Variants in DNHD1 observed in about 807,000 individuals in gnomAD.
DNHD1 encodes dynein heavy chain domain-containing protein 1.
Under a neutral mutation model 458.1 loss-of-function variants are expected in DNHD1, and 383 were observed. The observed-to-expected ratio is 0.84, with a 90% CI of 0.77 to 0.91. The LOEUF (loss-of-function observed/expected upper bound fraction) is 0.91, where lower values mean the gene tolerates loss of function less well. DNHD1 is among the 40% of genes least tolerant of loss of function. The pLI is 0.00. For synonymous variants in DNHD1, 2,203 were observed against 2,376.9 expected (o/e 0.93, Z 2.13); for missense variants, 5,336 against 5,866.1 (o/e 0.91, Z 2.95).
chr11:6,520,029 A>T lies in DNHD1; in HGVS notation c.1712A>T (p.His571Leu), dbSNP rs776078547. 2 of 1,614,084 alleles carry T rather than the reference A, an allele frequency of 1.2e-6. No individual in the cohort carries two copies. The highest frequency in any genetic ancestry group is 1.7e-6 in the Non-Finnish European group (2 of 1,180,000). The change falls in exon 9 of 43, where the codon CAT (histidine) becomes CTT (leucine). Residue 571 changes from histidine (H) to leucine (L), a missense_variant. Around this residue, in one of 4 missense-constraint regions of DNHD1, gnomAD observed 3,932 missense variants for 4,365.6 expected, o/e 0.90. Transcript: ENST00000254579. Reference protein sequence around the residue: ...LVFDDHGQLSHVPCVENMIQT... With the variant: ...LVFDDHGQLSLVPCVENMIQT... ...TTTGATGATCATGGTCAACTGTCTC[A>T]TGTGCCCTGTGTTGAAAATATGATC... is the stretch of plus-strand genomic sequence containing the variant.
chr11:6,566,207 T>A (rs768188732), intron 33 of DNHD1, 34 bp from the exon 34 acceptor site: 98 of 1,547,076 alleles, frequency 6.3e-5, no homozygotes, highest in Middle Eastern at 3.4e-4. Flanking sequence ...GGTGCTGGCA[T>A]TGTGGGTAGG....
rs370594180 is a variant in DNHD1, at chr11:6,514,470, CTCCTT to C, written c.1392+3064_1392+3068del. ...TTCCCTCCCTCTCTCTCTCCTCTCC[CTCCTT>C]TCCTTTCCTTTCCTTTCCTTTCTCC... On this transcript the variant is annotated intron_variant, in intron 7 of 42. Coordinates refer to ENST00000254579, the MANE Select transcript of DNHD1 (RefSeq NM_144666.3). Among the ~76,000 whole-genome samples the C allele has an allele frequency of 7.3e-3, 1,096 of 150,326 alleles. 10 individuals carry two copies. The highest frequency in any genetic ancestry group is 0.014 in the Middle Eastern group (4 of 294).
At chr11:6,540,815 A>T (rs751054584) in intron 18 of DNHD1, among the ~76,000 whole-genome samples, 1 of 152,250 alleles carries the variant, frequency 6.6e-6, no homozygotes, top group African/African-American at 2.4e-5. Context: ...GAATTTTCTT[A>T]TTCAACGCAA....
Position 6,548,318 on chromosome 11 carries a change from AGATG to A in DNHD1, c.7017_7020del (p.Asp2339GlufsTer11). On this transcript the variant is annotated frameshift_variant, in exon 23 of 43. Coordinates refer to ENST00000254579, the MANE Select transcript of DNHD1 (RefSeq NM_144666.3). LOFTEE classifies it high-confidence loss of function. This position sits in a 1 kb window ranked among gnomAD's most constrained non-coding sequence, Gnocchi z 4.4. ...TGTTTGATCTACATGTAAGCCCTGAAGATGGAACACTGGTCCCCTTCACTGGCCA... is the reference window on the plus strand; with the variant it reads ...TGTTTGATCTACATGTAAGCCCTGAAGAACACTGGTCCCCTTCACTGGCCA... 6.4e-7 allele frequency: 1 copy of A among 1,551,706 alleles called. No homozygotes were observed. The highest frequency in any genetic ancestry group is 8.7e-7 in the Non-Finnish European group (1 of 1,146,998).
In DNHD1 at chr11:6,529,087, G is replaced by T. The variant is rs903287218; in HGVS notation, c.2313G>T (p.Leu771=). The T allele has an allele frequency of 6.5e-7, 1 of 1,550,230 alleles. No homozygotes were observed. The highest frequency in any genetic ancestry group is 1.4e-5 in the African/African-American group (1 of 73,004). ...PIELLTKGGL[L]LLSCHDVQAE... is the part of the protein sequence containing the mutation. ...AGTTGCTCACAAAAGGCGGGTTGCT[G>T]CTACTTAGCTGCCATGATGTACAGG... Residue 771 remains leucine (L), a synonymous_variant, in exon 12 of 43, where the codon CTG becomes CTT. Transcript: ENST00000254579.
chr11:6,544,582 C>T lies in DNHD1; in HGVS notation c.3763C>T (p.Leu1255=), dbSNP rs1328770116. ...TCTGGCTGCTTACACAGGTGCCCTG[C>T]TGGAGGTGTGGCTGACTTTCCAGCA... is the stretch of plus-strand genomic sequence containing the variant. ...VAIMHGLGAL[L]EVWLTFQQKW... is the part of the protein sequence containing the mutation. The change falls in exon 20 of 43, where the codon CTG becomes TTG. Residue 1255 remains leucine, a synonymous_variant. Coordinates refer to ENST00000254579, the MANE Select transcript of DNHD1 (RefSeq NM_144666.3). The T allele has an allele frequency of 7.1e-6, 11 of 1,551,202 alleles. No homozygotes were observed. The highest frequency in any genetic ancestry group is 2.0e-5 in the Admixed American group (1 of 50,970).
At position 6,533,087 on chromosome 11, in the gene DNHD1, A is replaced by G; in HGVS notation, c.2408A>G (p.Asn803Ser). Residue 803 changes from asparagine to serine, a missense_variant, in exon 13 of 43, where the codon AAC becomes AGC. Physicochemically the swap from Asn to Ser is conservative, Grantham distance 46 (BLOSUM62 1). Around this residue, in one of 4 missense-constraint regions of DNHD1, gnomAD observed 3,932 missense variants for 4,365.6 expected, o/e 0.90. Transcript: ENST00000254579. ...ILAHVQNECWNLSQQLMTELT... is the reference protein window; with the variant it reads ...ILAHVQNECWSLSQQLMTELT... ...GCACACGTGCAAAATGAGTGCTGGA[A>G]CCTCAGTCAACAACTCATGACAGAG... 1 of 1,551,650 alleles carries G rather than the reference A, an allele frequency of 6.4e-7. No individual in the cohort carries two copies. The highest frequency in any genetic ancestry group is 1.7e-4 in the Middle Eastern group (1 of 5,992).
chr11:6,545,527 TG>T lies in DNHD1; in HGVS notation c.4592del (p.Gly1531ValfsTer17). On this transcript the variant is annotated frameshift_variant, in exon 21 of 43. Coordinates refer to ENST00000254579, the MANE Select transcript of DNHD1 (RefSeq NM_144666.3). This position sits in a 1 kb window ranked among gnomAD's most constrained non-coding sequence, Gnocchi z 4.9. ...RAEMEEALLE[W>X]GTLAMVSMHM... Reference sequence around the variant, plus strand: ...CGAGATGGAGGAGGCTCTGCTTGAGTGGGGTACCCTGGCCATGGTCTCCATG... The same window carrying T: ...CGAGATGGAGGAGGCTCTGCTTGAGTGGGTACCCTGGCCATGGTCTCCATG... 6.4e-7 allele frequency: 1 copy of T among 1,551,514 alleles called. No homozygotes were observed. The highest frequency in any genetic ancestry group is 8.7e-7 in the Non-Finnish European group (1 of 1,146,942).
Position 6,547,109 on chromosome 11 carries a change from A to T in DNHD1, c.6170A>T (p.Lys2057Met). ...TGCTGGCATCATGGCATCTTTCCCAAGGTACTTCGTGCAGCCGGTCAGTGT... is the reference window on the plus strand; with the variant it reads ...TGCTGGCATCATGGCATCTTTCCCATGGTACTTCGTGCAGCCGGTCAGTGT... ...GSCWHHGIFP[K>M]VLRAAGQCNN... The change falls in exon 21 of 43, where the codon AAG becomes ATG. Residue 2057 changes from lysine (K) to methionine (M), a missense_variant. By Grantham distance (95) the Lys-to-Met change is moderately conservative. This residue lies in a region of DNHD1 where 3,932 missense variants were observed against 4,365.6 expected (regional missense o/e 0.90). Transcript: ENST00000254579. The T allele has an allele frequency of 6.4e-7, 1 of 1,551,700 alleles. No homozygotes were observed.
intron 28 of DNHD1, among the ~76,000 whole-genome samples, chr11:6,562,693 G>A (rs1853609681): frequency 6.6e-6 from 1 of 152,104 alleles, no homozygotes; most frequent in East Asian, 1.9e-4. Context: ...CTGCTAATGG[G>A]TCAACTAAAA....
chr11:6,568,773 C>A lies in DNHD1; in HGVS notation c.12770C>A (p.Pro4257His), dbSNP rs138517528. 488 of 1,613,534 alleles carry A rather than the reference C, an allele frequency of 3.0e-4. 2 individuals are homozygous for A. In the African/African-American group the frequency reaches 5.7e-3, roughly 19 times the overall value. ...ELAQQVLYMQ[P>H]PTQALPLLLL... ...GCCCAGCAAGTACTCTACATGCAAC[C>A]CCCCACCCAGGCACTACCTCTGCTC... The change falls in exon 39 of 43, where the codon CCC becomes CAC. Residue 4257 changes from proline to histidine, a missense_variant. Physicochemically the swap from Pro to His is moderately conservative, Grantham distance 77. Transcript: ENST00000254579.
At chr11:6,507,311 A>G (rs933170839) in intron 4 of DNHD1, among the ~76,000 whole-genome samples, 1 of 152,182 alleles carries the variant, frequency 6.6e-6, no homozygotes, top group Admixed American at 6.5e-5. Context: ...CATTTGTAGA[A>G]TGAGTGAATA....
Position 6,533,773 on chromosome 11 carries a change from C to G in DNHD1, c.2598C>G (p.Leu866=). The change falls in exon 14 of 43, where the codon CTC becomes CTG. Residue 866 remains leucine, a synonymous_variant. Transcript: ENST00000254579. ...AACTCATCCGCAACCACTTTAGCCTCTTTAGTGCTGAGAATGAAGCACTGG... is the reference window on the plus strand; with the variant it reads ...AACTCATCCGCAACCACTTTAGCCTGTTTAGTGCTGAGAATGAAGCACTGG... ...LHELIRNHFS[L]FSAENEALDI... The G allele has an allele frequency of 6.4e-7, 1 of 1,551,480 alleles. No individual in the cohort carries two copies. The highest frequency in any genetic ancestry group is 1.2e-5 in the South Asian group (1 of 84,036).
At position 6,529,079 on chromosome 11, in the gene DNHD1, G is replaced by A. The variant is rs2344829; in HGVS notation, c.2305G>A (p.Gly769Arg). The A allele has an allele frequency of 0.68, 1,050,549 of 1,550,184 alleles. 357,964 individuals carry two copies. Among genetic ancestry groups the A allele is most frequent in the East Asian group, 0.87 (35,721 of 40,912 alleles). The change falls in exon 12 of 43, where the codon GGG becomes AGG. Residue 769 changes from glycine (G) to arginine (R), a missense_variant. Physicochemically the swap from Gly to Arg is moderately radical, Grantham distance 125 (BLOSUM62 -2). This residue lies in a region of DNHD1 where 3,932 missense variants were observed against 4,365.6 expected (regional missense o/e 0.90). Coordinates refer to ENST00000254579, the MANE Select transcript of DNHD1 (RefSeq NM_144666.3). ...GCCTATCGAGTTGCTCACAAAAGGCGGGTTGCTGCTACTTAGCTGCCATGA... is the reference window on the plus strand; with the variant it reads ...GCCTATCGAGTTGCTCACAAAAGGCAGGTTGCTGCTACTTAGCTGCCATGA... Reference protein sequence around the residue: ...SMPIELLTKGGLLLLSCHDVQ... With the variant: ...SMPIELLTKGRLLLLSCHDVQ...
Position 6,514,899 on chromosome 11 carries a change from G to A in DNHD1, c.1392+3470G>A, listed in dbSNP as rs80005818. 1.5e-4 allele frequency among the ~76,000 whole-genome samples: 23 copies of A among 152,266 alleles called. No homozygotes were observed. The East Asian group carries it at 1.7e-3, about 11-fold the overall frequency. ...GCTGGGAAGTCCAAGAGCATCTGGC[G>A]AGAGTCTCATCCCATGGTGGAGGGT... On this transcript the variant is annotated intron_variant, in intron 7 of 42. Coordinates refer to ENST00000254579, the MANE Select transcript of DNHD1 (RefSeq NM_144666.3).
At position 6,529,023 on chromosome 11, in the gene DNHD1, T is replaced by A. The variant is rs778392440; in HGVS notation, c.2249T>A (p.Leu750Gln). 1 of 1,551,406 alleles carries A rather than the reference T, an allele frequency of 6.4e-7. No individual in the cohort carries two copies. The highest frequency in any genetic ancestry group is 2.0e-5 in the Admixed American group (1 of 51,012). Residue 750 changes from leucine (L) to glutamine (Q), a missense_variant, in exon 12 of 43, where the codon CTG becomes CAG. Around this residue, in one of 4 missense-constraint regions of DNHD1, gnomAD observed 3,932 missense variants for 4,365.6 expected, o/e 0.90. Transcript: ENST00000254579. ...AACTACGTGACGCTGGTGAGCCGCC[T>A]GAATGTTTGGCAGGCCCGTGTCTCC... is the stretch of plus-strand genomic sequence containing the variant. ...IKNYVTLVSR[L>Q]NVWQARVSSM...
At chr11:6,524,174 T>C (rs1852661323) in intron 10 of DNHD1, among the ~76,000 whole-genome samples, 1 of 152,202 alleles carries the variant, frequency 6.6e-6, no homozygotes, top group Non-Finnish European at 1.5e-5. Context: ...GCCTGAGCAC[T>C]CTCATAGGTC....
At chr11:6,537,961 C>A (rs577949144) in intron 14 of DNHD1, among the ~76,000 whole-genome samples, 22 of 152,172 alleles carry the variant, frequency 1.4e-4, no homozygotes, top group Non-Finnish European at 2.8e-4. Context: ...TTTGTTTGAA[C>A]AAGGACTTGA....
chr11:6,532,557 T>C (rs1852847905), intron 12 of DNHD1, among the ~76,000 whole-genome samples: 1 of 152,190 alleles, frequency 6.6e-6, no homozygotes, highest in South Asian at 2.1e-4. Context: ...TTCACAAACA[T>C]GTCATTTCCA....
Sources: allele counts gnomAD v4.1 joint callset (sites outside exome capture counted in the v4.1 genomes callset), GRCh38; gene constraint gnomAD v4.1.1; regional missense constraint gnomAD v4.1.1; non-coding constraint Gnocchi (gnomAD v3.1); transcripts MANE v1.5; gene names NCBI Gene and HGNC (gene_info 2026-07-23, HGNC 2026-07-21).